KRCC1: variants seen among roughly 807,000 people sequenced by gnomAD.
KRCC1 encodes lysine-rich coiled-coil protein 1.
KRCC1 carries 3 observed loss-of-function variants against 7.4 expected under a neutral mutation model. The ratio of observed to expected loss-of-function variants is 0.40; its 90% CI spans 0.18 to 1.04. The LOEUF (loss-of-function observed/expected upper bound fraction) is 1.04, where lower values mean the gene tolerates loss of function less well. Among genes scored for constraint, KRCC1 ranks in the 50% least tolerant of loss-of-function variants. KRCC1 has a pLI of 0.33. For synonymous variants in KRCC1, 102 were observed against 101.6 expected (o/e 1.00, Z -0.02); for missense variants, 277 against 300.9 (o/e 0.92, Z 0.59).
At chr2:88,032,168 T>A (rs1006780195) in intron 3 of KRCC1, among the ~76,000 whole-genome samples, 3 of 151,978 alleles carry the variant, frequency 2.0e-5, no homozygotes, top group South Asian at 2.1e-4. Context: ...TTAATTAATT[T>A]AATGTAGCCT....
At position 88,044,692 on chromosome 2, in the gene KRCC1, T is replaced by TA. The variant is rs1192236612; in HGVS notation, c.-290-7642dup. ...AACTGAAAAGAGCCATGCTGTCTAGTAAAAAAATAAAAATAAAAATAAATG... is the reference window on the plus strand; with the variant it reads ...AACTGAAAAGAGCCATGCTGTCTAGTAAAAAAAATAAAAATAAAAATAAATG... On this transcript the variant is annotated intron_variant, in intron 1 of 3. Transcript: ENST00000347055. Among the ~76,000 whole-genome samples the TA allele has an allele frequency of 1.8e-4, 28 of 152,076 alleles. No homozygotes were observed. In the East Asian group the frequency reaches 5.2e-3, roughly 28 times the overall value.
chr2:88,027,380 T>TGTAG lies in KRCC1; in HGVS notation c.*403_*404insCTAC. On this transcript the variant is annotated 3_prime_UTR_variant, in exon 4 of 4. Coordinates refer to ENST00000347055, the MANE Select transcript of KRCC1 (RefSeq NM_016618.3). ...ATCTAATAAAGGAGAAAAAAATTGC[T>TGTAG]TCACAGAGAAAAACCAATGAACATA... 6.3e-6 allele frequency: 1 copy of TGTAG among 159,802 alleles called. No individual in the cohort carries two copies. 9.9% of individuals were successfully genotyped at this position (159,802 alleles called of 1,614,324 possible). A position where few individuals can be genotyped will look rare whatever the true frequency, so the allele number is the denominator to read the frequency against.
chr2:88,028,691 C>G lies in KRCC1; in HGVS notation c.-22-106G>C, dbSNP rs563441191. 312 of 704,912 alleles carry G rather than the reference C, an allele frequency of 4.4e-4. 3 individuals are homozygous for G. In the South Asian group the frequency reaches 6.1e-3, roughly 14 times the overall value. The allele number at this position is 704,912 out of a possible 1,614,324, so 43.7% of individuals were successfully genotyped here. ...TTGAGATGGCGTCTCGCCCTGTCGCCCAGACTAGAGTGCAGTGGGGTTGCT... is the reference window on the plus strand; with the variant it reads ...TTGAGATGGCGTCTCGCCCTGTCGCGCAGACTAGAGTGCAGTGGGGTTGCT... On this transcript the variant is annotated intron_variant, in intron 3 of 3. Transcript: ENST00000347055.
chr2:88,044,616 CAAT>C (rs1573082486), intron 1 of KRCC1, among the ~76,000 whole-genome samples: 1 of 152,156 alleles, frequency 6.6e-6, no homozygotes, highest in East Asian at 1.9e-4. Context: ...AATTAAACCA[CAAT>C]GAGGGGTCTG....
intron 1 of KRCC1, among the ~76,000 whole-genome samples, chr2:88,039,461 C>T (rs1032317999): frequency 1.5e-4 from 23 of 151,816 alleles, no homozygotes; most frequent in Admixed American, 2.0e-4. Flanking sequence ...CAGAGGCGGG[C>T]GGATTACTTG....
chr2:88,049,206 G>GT (rs1673411534), intron 1 of KRCC1, among the ~76,000 whole-genome samples: 1 of 152,130 alleles, frequency 6.6e-6, no homozygotes, highest in South Asian at 2.1e-4. Flanking sequence ...TTTATTTAAA[G>GT]TAAGTCTTTG....
chr2:88,036,253 G>C (rs1673088227), intron 2 of KRCC1, among the ~76,000 whole-genome samples: 1 of 152,164 alleles, frequency 6.6e-6, no homozygotes, highest in African/African-American at 2.4e-5. Flanking sequence ...AGCAGAATGG[G>C]AAAAGCCATT....
At chr2:88,053,379 C>A (rs1361068155) in intron 1 of KRCC1, among the ~76,000 whole-genome samples, 1 of 145,696 alleles carries the variant, frequency 6.9e-6, no homozygotes, top group Non-Finnish European at 1.6e-5. Context: ...AAAGTCATTG[C>A]AAAATCAAAA....
At chr2:88,028,990 T>A (rs546459867) in intron 3 of KRCC1, among the ~76,000 whole-genome samples, 1 of 152,264 alleles carries the variant, frequency 6.6e-6, no homozygotes, top group East Asian at 1.9e-4. Context: ...ACAAAGCAGC[T>A]CAAACAAATT....
At chr2:88,036,566 T>C (rs913006009) in intron 2 of KRCC1, among the ~76,000 whole-genome samples, 2 of 152,190 alleles carry the variant, frequency 1.3e-5, no homozygotes, top group African/African-American at 2.4e-5. Flanking sequence ...GCATATTATG[T>C]TGTAACCTTT....
chr2:88,037,567 C>T (rs1442030449), intron 1 of KRCC1, among the ~76,000 whole-genome samples: 1 of 152,168 alleles, frequency 6.6e-6, no homozygotes. Context: ...TGTCACTGTA[C>T]CTGGCTAATT....
intron 1 of KRCC1, among the ~76,000 whole-genome samples, chr2:88,055,097 C>G (rs1036854127): frequency 1.6e-4 from 25 of 151,602 alleles, no homozygotes; most frequent in Admixed American, 9.2e-4. Context: ...GTGATCCCCC[C>G]CTAAACCTCA....
intron 1 of KRCC1, among the ~76,000 whole-genome samples, chr2:88,047,320 C>T (rs1410037931): frequency 5.9e-5 from 9 of 151,774 alleles, no homozygotes; most frequent in Non-Finnish European, 1.2e-4. Context: ...TGGGCTCAAG[C>T]GATCCTCCTG....
Position 88,028,545 on chromosome 2 carries a change from T to C in KRCC1, c.19A>G (p.Thr7Ala). 1 of 1,611,102 alleles carries C rather than the reference T, an allele frequency of 6.2e-7. No homozygotes were observed. Among genetic ancestry groups the C allele is most frequent in the South Asian group, 1.1e-5 (1 of 90,596 alleles). MKHSKK[T>A]YDSFQDELED... ...AGTTCATCTTGAAAAGAGTCATATG[T>C]CTTCTTTGAATGCTTCATTAGGTTG... is the stretch of plus-strand genomic sequence containing the variant. Residue 7 changes from threonine to alanine, a missense_variant, in exon 4 of 4, where the codon ACA becomes GCA. Physicochemically the swap from Thr to Ala is moderately conservative, Grantham distance 58 (BLOSUM62 0). Coordinates refer to ENST00000347055, the MANE Select transcript of KRCC1 (RefSeq NM_016618.3).
intron 1 of KRCC1, among the ~76,000 whole-genome samples, chr2:88,050,924 C>CTTTTT (rs60827041): frequency 8.0e-6 from 1 of 125,384 alleles, no homozygotes; most frequent in Non-Finnish European, 1.7e-5. Flanking sequence ...TCCTTACTTG[C>CTTTTT]TTTTTTTTTT....
chr2:88,034,563 G>C (rs768676323), intron 2 of KRCC1, among the ~76,000 whole-genome samples: 2 of 152,048 alleles, frequency 1.3e-5, no homozygotes, highest in African/African-American at 2.4e-5. Context: ...CATGTATATA[G>C]TGTGGAATAA....
intron 1 of KRCC1, among the ~76,000 whole-genome samples, chr2:88,047,371 T>G (rs577297484): frequency 6.2e-4 from 93 of 149,656 alleles, no homozygotes; most frequent in African/African-American, 1.9e-3. Flanking sequence ...CATGAGCCAC[T>G]GTGCCCTGCC....
intron 1 of KRCC1, among the ~76,000 whole-genome samples, chr2:88,048,245 G>A (rs1673388072): frequency 6.6e-6 from 1 of 151,912 alleles, no homozygotes; most frequent in South Asian, 2.1e-4. Context: ...ACCATGGCTG[G>A]CTAATTTTGT....
chr2:88,046,520 T>C (rs958654047), intron 1 of KRCC1, among the ~76,000 whole-genome samples: 6 of 152,226 alleles, frequency 3.9e-5, no homozygotes, highest in Admixed American at 1.3e-4. Context: ...ACAAATATGG[T>C]TACCCATAAA....
Sources: gnomAD v4.1 joint callset for allele counts (sites outside exome capture counted in the v4.1 genomes callset) on GRCh38, gnomAD v4.1.1 for gene constraint, MANE v1.5 for transcripts, NCBI Gene and HGNC (gene_info 2026-07-23, HGNC 2026-07-21) for gene names.